ZNF862: variants seen among roughly 807,000 people sequenced by gnomAD.
ZNF862 encodes zinc finger protein 862.
A neutral mutation model predicts 91.1 loss-of-function variants in ZNF862; 64 were observed. The observed-to-expected ratio is 0.70, with a 90% confidence interval of 0.57 to 0.87. ZNF862 has a LOEUF of 0.87. Ranked by LOEUF, ZNF862 falls within the 40% of genes least tolerant of loss-of-function variation. ZNF862 has a pLI of 0.00. For synonymous variants in ZNF862, 631 were observed against 618.1 expected (o/e 1.02, Z -0.31); for missense variants, 1,459 against 1,528.0 (o/e 0.95, Z 0.75).
At chr7:149,864,042 G>A in intron 7 of ZNF862, 67 bp from the exon 8 acceptor site, 2 of 1,499,142 alleles carry the variant, frequency 1.3e-6, no homozygotes, top group Non-Finnish European at 1.8e-6. Context: ...CAGCCCCTGG[G>A]CGAAGCTGGA....
At chr7:149,859,734 T>C (rs1224042619) in intron 6 of ZNF862, 1 of 542,644 alleles carries the variant, frequency 1.8e-6, no homozygotes, top group Non-Finnish European at 3.3e-6. Flanking sequence ...AAAAAACAGG[T>C]CCTTTTGTAA....
chr7:149,861,367 C>T lies in ZNF862; in HGVS notation c.2207C>T (p.Ala736Val), dbSNP rs1224612232. ...CGGCTGCACCTGGCTGTGGTGGACG[C>T]CTGCGGGAGCATCGATCTGGTGAAG... ...AHRLHLAVVD[A>V]CGSIDLVKKC... is the part of the protein sequence containing the mutation. Residue 736 changes from alanine (A) to valine (V), a missense_variant, in exon 7 of 8, where the codon GCC becomes GTC. Coordinates refer to ENST00000223210, the MANE Select transcript of ZNF862 (RefSeq NM_001099220.3). The surrounding 1 kb of genome is among the most constrained non-coding windows in gnomAD (Gnocchi z 6.7). 1.2e-6 allele frequency: 2 copies of T among 1,613,062 alleles called. No homozygotes were observed. The highest frequency in any genetic ancestry group is 4.5e-5 in the East Asian group (2 of 44,876).
At chr7:149,839,100 G>A (rs1361754795) in intron 1 of ZNF862, among the ~76,000 whole-genome samples, 1 of 152,216 alleles carries the variant, frequency 6.6e-6, no homozygotes, top group East Asian at 1.9e-4. Context: ...TGCCACTTCT[G>A]TTTCTAGGTT....
chr7:149,857,235 C>G (rs903581806), intron 5 of ZNF862, among the ~76,000 whole-genome samples: 16 of 152,048 alleles, frequency 1.1e-4, no homozygotes, highest in East Asian at 1.9e-4. Flanking sequence ...TTTCTTTCTT[C>G]CAGAAATTCC....
rs1161458582 is a variant in ZNF862, at chr7:149,859,497, G to T, written c.1193G>T (p.Gly398Val). ...RAAPWIKDPNGPKWGKGRPPG... is the reference protein window; with the variant it reads ...RAAPWIKDPNVPKWGKGRPPG... ...GCACCCTGGATCAAGGACCCAAATG[G>T]GCCAAAGTGGGGGAAAGGTCGTCCT... is the stretch of plus-strand genomic sequence containing the variant. The change falls in exon 6 of 8, where the codon GGG becomes GTG. Residue 398 changes from glycine (G) to valine (V), a missense_variant. Transcript: ENST00000223210. 3 of 1,583,130 alleles carry T rather than the reference G, an allele frequency of 1.9e-6. 1 individual carries two copies. In the South Asian group the frequency reaches 3.5e-5, roughly 18 times the overall value.
rs1387439579 is a variant in ZNF862, at chr7:149,862,380, G to T, written c.3220G>T (p.Ala1074Ser). 2.5e-6 allele frequency: 4 copies of T among 1,612,712 alleles called. No homozygotes were observed. The highest frequency in any genetic ancestry group is 3.4e-6 in the Non-Finnish European group (4 of 1,179,590). ...CATGATGACAGCTGTGAACGGCGTG[G>T]CCGTCACGGAGTACGACCCCCAGCC... ...MLMMTAVNGV[A>S]VTEYDPQPAI... The change falls in exon 7 of 8, where the codon GCC becomes TCC. Residue 1074 changes from alanine (A) to serine (S), a missense_variant. Coordinates refer to ENST00000223210, the MANE Select transcript of ZNF862 (RefSeq NM_001099220.3).
intron 5 of ZNF862, among the ~76,000 whole-genome samples, chr7:149,853,958 A>AATGACAGTC (rs1358055198): frequency 2.0e-5 from 3 of 151,926 alleles, no homozygotes; most frequent in African/African-American, 7.3e-5. Context: ...AAAAAAGAAA[A>AATGACAGTC]ATGACAGTCC....
In ZNF862 at chr7:149,848,383, C is replaced by G. The variant is rs761347177; in HGVS notation, c.890C>G (p.Ser297Cys). 1 of 1,594,952 alleles carries G rather than the reference C, an allele frequency of 6.3e-7. No homozygotes were observed. The highest frequency in any genetic ancestry group is 8.5e-7 in the Non-Finnish European group (1 of 1,170,524). ...QKEITDGIHS[S>C]SDINILYNDA... ...GAAATCACTGATGGCATCCACAGCTCCTCAGACATTAATATTTTATATAAT... is the reference window on the plus strand; with the variant it reads ...GAAATCACTGATGGCATCCACAGCTGCTCAGACATTAATATTTTATATAAT... Residue 297 changes from serine to cysteine, a missense_variant, in exon 4 of 8, where the codon TCC (serine) becomes TGC (cysteine). Transcript: ENST00000223210.
chr7:149,847,223 A>G (rs1456163490), intron 3 of ZNF862, among the ~76,000 whole-genome samples: 1 of 152,252 alleles, frequency 6.6e-6, no homozygotes, highest in African/African-American at 2.4e-5. Flanking sequence ...GTCAGCATCC[A>G]GTACTTTGAG....
intron 1 of ZNF862, chr7:149,841,197 G>A (rs564338024): frequency 1.5e-5 from 15 of 985,418 alleles, no homozygotes; most frequent in South Asian, 1.4e-4. Flanking sequence ...ACTCCACTCC[G>A]AACAGCATTC....
At position 149,855,636 on chromosome 7, in the gene ZNF862, C is replaced by T. The variant is rs552044925; in HGVS notation, c.1118-3786C>T. On this transcript the variant is annotated intron_variant, in intron 5 of 7. Coordinates refer to ENST00000223210, the MANE Select transcript of ZNF862 (RefSeq NM_001099220.3). This position sits in a 1 kb window ranked among gnomAD's most constrained non-coding sequence, Gnocchi z 4.1. ...CCCCCAACAGGCACTGAGACCCTCT[C>T]GCTTGCAGTTGCCTGGACATGGGTG... 3.9e-5 allele frequency among the ~76,000 whole-genome samples: 6 copies of T among 152,230 alleles called. No individual in the cohort carries two copies. The highest frequency in any genetic ancestry group is 1.3e-4 in the Admixed American group (2 of 15,290).
At position 149,860,904 on chromosome 7, in the gene ZNF862, C is replaced by T. The variant is rs1586069635; in HGVS notation, c.1744C>T (p.Leu582Phe). The change falls in exon 7 of 8, where the codon CTC (leucine) becomes TTC (phenylalanine). Residue 582 changes from leucine (L) to phenylalanine (F), a missense_variant. Transcript: ENST00000223210. ...LNDFEKILQL[L>F]QSTGTVILGK... ...TGACTTTGAGAAGATCCTGCAGCTCCTCCAAAGCACGGGGACCGTGATATT... is the reference window on the plus strand; with the variant it reads ...TGACTTTGAGAAGATCCTGCAGCTCTTCCAAAGCACGGGGACCGTGATATT... 1.9e-6 allele frequency: 3 copies of T among 1,613,844 alleles called. No individual in the cohort carries two copies. Among genetic ancestry groups the T allele is most frequent in the South Asian group, 1.1e-5 (1 of 91,086 alleles).
In ZNF862 at chr7:149,861,862, G is replaced by A. The variant is rs747568048; in HGVS notation, c.2702G>A (p.Arg901Gln). Residue 901 changes from arginine (R) to glutamine (Q), a missense_variant, in exon 7 of 8, where the codon CGG (arginine) becomes CAG (glutamine). Physicochemically the swap from Arg to Gln is conservative, Grantham distance 43. Transcript: ENST00000223210. The surrounding 1 kb of genome is among the most constrained non-coding windows in gnomAD (Gnocchi z 6.7). ...EEFNASFKDG[R>Q]LHGICLDKLE... ...TTCAACGCCAGCTTCAAGGATGGGC[G>A]GCTCCACGGCATCTGCTTGGACAAA... 21 of 1,613,592 alleles carry A rather than the reference G, an allele frequency of 1.3e-5. No homozygotes were observed. The highest frequency in any genetic ancestry group is 2.2e-5 in the East Asian group (1 of 44,862).
chr7:149,853,586 T>C (rs1431614500), intron 5 of ZNF862, among the ~76,000 whole-genome samples: 1 of 152,140 alleles, frequency 6.6e-6, no homozygotes, highest in Non-Finnish European at 1.5e-5. Context: ...AAAAGGAATA[T>C]AAATGGAGGC....
intron 1 of ZNF862, chr7:149,840,984 C>T: frequency 1.0e-6 from 1 of 985,398 alleles, no homozygotes; most frequent in East Asian, 1.1e-4. Context: ...TAAGTGAAAC[C>T]TCAGAGACTG....
In ZNF862 at chr7:149,838,556, A is replaced by G; in HGVS notation, c.-56A>G. On this transcript the variant is annotated 5_prime_UTR_variant, in exon 1 of 8. Coordinates refer to ENST00000223210, the MANE Select transcript of ZNF862 (RefSeq NM_001099220.3). ...TCCCCGGGGCGGTCGCGGCGGCTGC[A>G]TCCTCAGGCCAGGCCGCGGGGGGAG... 1 of 1,169,714 alleles carries G rather than the reference A, an allele frequency of 8.5e-7. No homozygotes were observed. Among genetic ancestry groups the G allele is most frequent in the Non-Finnish European group, 1.1e-6 (1 of 930,956 alleles). 72.5% of individuals were successfully genotyped at this position (1,169,714 alleles called of 1,614,324 possible). A position where few individuals can be genotyped will look rare whatever the true frequency, so the allele number is the denominator to read the frequency against.
rs568613038 is a variant in ZNF862, at chr7:149,864,358, T to A, written c.*74T>A. ...GGGACAGGCTCTGCAGATTCTAGGCTGCCCTAGGATCTTCTGCTGGTGGCG... is the reference window on the plus strand; with the variant it reads ...GGGACAGGCTCTGCAGATTCTAGGCAGCCCTAGGATCTTCTGCTGGTGGCG... On this transcript the variant is annotated 3_prime_UTR_variant, in exon 8 of 8. Transcript: ENST00000223210. 7.0e-7 allele frequency: 1 copy of A among 1,429,016 alleles called. No homozygotes were observed. Among genetic ancestry groups the A allele is most frequent in the Non-Finnish European group, 9.4e-7 (1 of 1,066,982 alleles). 88.5% of individuals were successfully genotyped at this position (1,429,016 alleles called of 1,614,324 possible).
Position 149,850,218 on chromosome 7 carries a change from G to T in ZNF862, c.997G>T (p.Val333Leu). Reference sequence around the variant, plus strand: ...TCCTGTGGTGTTTGAGGAGCTGCCGGTGGTGTTCGAGGATGTGGCAGTGTA... The same window carrying T: ...TCCTGTGGTGTTTGAGGAGCTGCCGTTGGTGTTCGAGGATGTGGCAGTGTA... ...EVPVVFEELP[V>L]VFEDVAVYFT... Residue 333 changes from valine (V) to leucine (L), a missense_variant, in exon 5 of 8, where the codon GTG (valine) becomes TTG (leucine). Physicochemically the swap from Val to Leu is conservative, Grantham distance 32. Coordinates refer to ENST00000223210, the MANE Select transcript of ZNF862 (RefSeq NM_001099220.3). This position sits in a 1 kb window ranked among gnomAD's most constrained non-coding sequence, Gnocchi z 4.2. 6 of 1,606,456 alleles carry T rather than the reference G, an allele frequency of 3.7e-6. No individual in the cohort carries two copies. Among genetic ancestry groups the T allele is most frequent in the Non-Finnish European group, 5.1e-6 (6 of 1,176,374 alleles).
intron 1 of ZNF862, among the ~76,000 whole-genome samples, chr7:149,842,366 C>T (rs1216126867): frequency 6.6e-6 from 1 of 152,200 alleles, no homozygotes; most frequent in South Asian, 2.1e-4. Context: ...AGAAGTCAGA[C>T]AGCTTTACCT....
Sources: allele counts gnomAD v4.1 joint callset (sites outside exome capture counted in the v4.1 genomes callset), GRCh38; gene constraint gnomAD v4.1.1; non-coding constraint Gnocchi (gnomAD v3.1); transcripts MANE v1.5; gene names NCBI Gene and HGNC (gene_info 2026-07-23, HGNC 2026-07-21).